Variants in FHIP1A observed in about 807,000 individuals in gnomAD.
FHIP1A encodes the protein FHF complex subunit HOOK interacting protein 1A, also known as FHF complex subunit HOOK-interacting protein 1A.
Under a neutral mutation model 88.6 loss-of-function variants are expected in FHIP1A, and 61 were observed. The ratio of observed to expected loss-of-function variants is 0.69; its 90% CI spans 0.56 to 0.85. FHIP1A has a LOEUF of 0.85. Ranked by LOEUF, FHIP1A falls within the 40% of genes least tolerant of loss-of-function variation. FHIP1A has a pLI of 0.00. For synonymous variants in FHIP1A, 478 were observed against 496.0 expected, an observed-to-expected ratio of 0.96 and a Z score of 0.48; for missense variants, 1,154 against 1,273.5, an observed-to-expected ratio of 0.91 and a Z score of 1.43.
rs1048935178 is a variant in FHIP1A at position 151,482,664 on chromosome 4, C to T, written c.-123+16C>T. 3 of 151,574 alleles carry T rather than the reference C, an allele frequency of 2.0e-5. No homozygotes were observed. Among genetic ancestry groups the T allele is most frequent in the African/African-American group, 4.8e-5 (2 of 41,260 alleles). The allele number at this position is 151,574 out of a possible 1,614,324, so 9.4% of individuals were successfully genotyped here. A position where few individuals can be genotyped will look rare whatever the true frequency, so the allele number is the denominator to read the frequency against. ...GCAGCCCCAGGTAATGTCTTCTTTTCTCATTATTATTGACATGTGTTCAGT... is the reference window on the plus strand; with the variant it reads ...GCAGCCCCAGGTAATGTCTTCTTTTTTCATTATTATTGACATGTGTTCAGT... On this transcript the variant is annotated intron_variant, in intron 3 of 13. Transcript: ENST00000435205.
chr4:151,633,047 A>G (rs1355611535), intron 8 of FHIP1A, among the ~76,000 whole-genome samples: 3 of 151,912 alleles, frequency 2.0e-5, no homozygotes, highest in Admixed American at 2.0e-4. Context: ...AACAACAGCA[A>G]TAATATTGAT....
intron 2 of FHIP1A, among the ~76,000 whole-genome samples, chr4:151,469,844 G>A: frequency 6.6e-6 from 1 of 152,124 alleles, no homozygotes; most frequent in East Asian, 1.9e-4. Flanking sequence ...AGGATGTCGG[G>A]TCAGGAGACG....
chr4:151,468,449 A>G (rs1455940875), intron 2 of FHIP1A, among the ~76,000 whole-genome samples: 5 of 152,186 alleles, frequency 3.3e-5, no homozygotes, highest in Admixed American at 3.3e-4. Context: ...TCCAGTGGCA[A>G]TGCCAAAGGC....
rs1242124322 is a variant in FHIP1A at position 151,437,284 on chromosome 4, G to T, written c.-355-17417G>T. On this transcript the variant is annotated intron_variant, in intron 1 of 13. Transcript: ENST00000435205. ...TATGCCAGTGAAGCTTTTGAAATCC[G>T]CTGGGGGTTCTAGGGATTGTGTGTT... Among the ~76,000 whole-genome samples the T allele has an allele frequency of 3.9e-5, 6 of 152,092 alleles. No homozygotes were observed. The East Asian group carries it at 1.2e-3, about 29-fold the overall frequency.
intron 3 of FHIP1A, among the ~76,000 whole-genome samples, chr4:151,533,415 AAAAC>A (rs10650173): frequency 0.29 from 44,313 of 150,730 alleles, 6,716 homozygotes; most frequent in Non-Finnish European, 0.34. Context: ...GCCCTGTCTC[AAAAC>A]AAACAAACAA....
rs1578785754 is a variant in FHIP1A, at chr4:151,586,691, A to G, written c.783A>G (p.Leu261=). The G allele has an allele frequency of 6.4e-7, 1 of 1,551,302 alleles. No homozygotes were observed. Among genetic ancestry groups the G allele is most frequent in the Non-Finnish European group, 8.7e-7 (1 of 1,146,658 alleles). Residue 261 remains leucine (L), a synonymous_variant, in exon 6 of 14, where the codon CTA becomes CTG. Transcript: ENST00000435205. ...SGLYSSLPTK[L]EEKGEEWHCL... Reference sequence around the variant, plus strand: ...TCTACTCTTCCCTGCCTACAAAGCTAGAAGAGAAAGGCGAGGAATGGCACT... The same window carrying G: ...TCTACTCTTCCCTGCCTACAAAGCTGGAAGAGAAAGGCGAGGAATGGCACT...
chr4:151,478,935 C>T (rs975921485), intron 2 of FHIP1A, among the ~76,000 whole-genome samples: 2 of 151,962 alleles, frequency 1.3e-5, no homozygotes, highest in African/African-American at 4.8e-5. Flanking sequence ...TTTTCCTTCC[C>T]TTGTGGTATG....
chr4:151,458,279 A>G (rs1370181498), intron 2 of FHIP1A, among the ~76,000 whole-genome samples: 1 of 152,168 alleles, frequency 6.6e-6, no homozygotes, highest in African/African-American at 2.4e-5. Flanking sequence ...TCAGTGGTTA[A>G]GCTACTCAGA....
At chr4:151,654,273 T>C (rs767778645) in intron 11 of FHIP1A, among the ~76,000 whole-genome samples, 27 of 152,270 alleles carry the variant, frequency 1.8e-4, no homozygotes, top group Non-Finnish European at 3.5e-4. Flanking sequence ...CCTAGGTCAG[T>C]GATGACATGA....
chr4:151,540,374 C>A (rs1277854395), intron 3 of FHIP1A, among the ~76,000 whole-genome samples: 2 of 152,120 alleles, frequency 1.3e-5, no homozygotes, highest in Non-Finnish European at 2.9e-5. Context: ...AGCGGACTAT[C>A]CAGAAATACC....
chr4:151,570,380 C>T (rs1362854299), intron 4 of FHIP1A, among the ~76,000 whole-genome samples: 1 of 152,184 alleles, frequency 6.6e-6, no homozygotes, highest in African/African-American at 2.4e-5. Context: ...CTCTTTCATG[C>T]TCCCACCCCA....
intron 9 of FHIP1A, among the ~76,000 whole-genome samples, chr4:151,644,477 G>A (rs1049772613): frequency 2.6e-5 from 4 of 151,820 alleles, no homozygotes; most frequent in African/African-American, 7.3e-5. Flanking sequence ...TCAGCCTCCC[G>A]ACTAGCTGGG....
At chr4:151,457,185 G>C (rs913815821) in intron 2 of FHIP1A, among the ~76,000 whole-genome samples, 1 of 152,162 alleles carries the variant, frequency 6.6e-6, no homozygotes, top group Non-Finnish European at 1.5e-5. Context: ...TGTTAAGAAG[G>C]TATGTGTTTC....
At chr4:151,474,731 A>G (rs1451494173) in intron 2 of FHIP1A, among the ~76,000 whole-genome samples, 1 of 152,218 alleles carries the variant, frequency 6.6e-6, no homozygotes, top group Non-Finnish European at 1.5e-5. Flanking sequence ...TTCGGCCCTG[A>G]AGCATCCAGT....
Position 151,454,727 on chromosome 4 carries a change from T to A in FHIP1A, c.-329T>A, listed in dbSNP as rs1286672068. 2.0e-5 allele frequency: 3 copies of A among 152,086 alleles called. No homozygotes were observed. The highest frequency in any genetic ancestry group is 4.8e-5 in the African/African-American group (2 of 41,424). The allele number at this position is 152,086 out of a possible 1,614,324, so 9.4% of individuals were successfully genotyped here. A position where few individuals can be genotyped will look rare whatever the true frequency, so the allele number is the denominator to read the frequency against. ...TGATACACTTGGGTGTTGAAGGACA[T>A]TTTTGAAATCATGAGAACTCAATGT... is the stretch of plus-strand genomic sequence containing the variant. On this transcript the variant is annotated 5_prime_UTR_variant, in exon 2 of 14. Coordinates refer to ENST00000435205, the MANE Select transcript of FHIP1A (RefSeq NM_001109977.3).
intron 3 of FHIP1A, among the ~76,000 whole-genome samples, chr4:151,490,125 A>G (rs559649493): frequency 1.3e-5 from 2 of 152,214 alleles, no homozygotes; most frequent in East Asian, 3.9e-4. Context: ...TAATTCCACT[A>G]CCTGCAACAC....
intron 2 of FHIP1A, among the ~76,000 whole-genome samples, chr4:151,476,971 G>C (rs923660928): frequency 1.9e-4 from 29 of 152,048 alleles, no homozygotes; most frequent in African/African-American, 7.0e-4. Context: ...AAATGCTCCT[G>C]ATGTGTAAAA....
At position 151,557,836 on chromosome 4, in the gene FHIP1A, C is replaced by T. The variant is rs149682411; in HGVS notation, c.-122-8302C>T. Among the ~76,000 whole-genome samples the T allele has an allele frequency of 1.1e-3, 173 of 152,250 alleles. 1 individual carries two copies. Among genetic ancestry groups the T allele is most frequent in the Non-Finnish European group, 1.3e-3 (91 of 68,018 alleles). ...TACCCTTTGCTAATTGAAGGTGACA[C>T]GAGGCTTTTTCTATTGTAGGGTCTC... On this transcript the variant is annotated intron_variant, in intron 3 of 13. Transcript: ENST00000435205.
intron 7 of FHIP1A, among the ~76,000 whole-genome samples, chr4:151,617,470 T>C (rs951491863): frequency 2.6e-5 from 4 of 152,156 alleles, no homozygotes; most frequent in African/African-American, 9.7e-5. Flanking sequence ...TTCCTTCCCT[T>C]CATGATGTTC....
Sources: gnomAD v4.1 joint callset for allele counts (sites outside exome capture counted in the v4.1 genomes callset) on GRCh38, gnomAD v4.1.1 for gene constraint, MANE v1.5 for transcripts, NCBI Gene and HGNC (gene_info 2026-07-23, HGNC 2026-07-21) for gene names.